Variants in ENOPH1 observed in about 807,000 individuals in gnomAD.
ENOPH1 encodes enolase-phosphatase 1, also known as enolase-phosphatase E1.
In ENOPH1, 14 loss-of-function variants were observed where a neutral mutation model predicts 31.1. The ratio of observed to expected loss-of-function variants is 0.45; its 90% CI spans 0.30 to 0.70. The LOEUF (loss-of-function observed/expected upper bound fraction) is 0.70, where lower values mean the gene tolerates loss of function less well. Among genes scored for constraint, ENOPH1 ranks in the 30% least tolerant of loss-of-function variants. The pLI is 0.09. For missense variants in ENOPH1, 243 were observed against 321.5 expected (o/e 0.76, Z 1.87); for synonymous variants, 127 against 123.2 (o/e 1.03, Z -0.21).
At position 82,430,764 on chromosome 4, in the gene ENOPH1, C is replaced by G. The variant is rs1022236910; in HGVS notation, c.-66C>G. ...CCCAAGACGGTACCGGGGGCCGCAGCCGCAGCCGGCGCCGCCCTCCGCCCT... is the reference window on the plus strand; with the variant it reads ...CCCAAGACGGTACCGGGGGCCGCAGGCGCAGCCGGCGCCGCCCTCCGCCCT... On this transcript the variant is annotated 5_prime_UTR_variant, in exon 1 of 6. Transcript: ENST00000273920. 2 of 1,511,894 alleles carry G rather than the reference C, an allele frequency of 1.3e-6. No homozygotes were observed. Among genetic ancestry groups the G allele is most frequent in the African/African-American group, 1.4e-5 (1 of 72,694 alleles). 93.7% of individuals were successfully genotyped at this position (1,511,894 alleles called of 1,614,324 possible). A position where few individuals can be genotyped will look rare whatever the true frequency, so the allele number is the denominator to read the frequency against.
chr4:82,456,829 T>C (rs1722501885), intron 4 of ENOPH1, 86 bp from the exon 5 acceptor site: 1 of 1,497,542 alleles, frequency 6.7e-7, no homozygotes, highest in East Asian at 2.3e-5. Flanking sequence ...AATGAAGTAA[T>C]TGTGATTGTC....
At chr4:82,451,627 A>C (rs1319759814) in intron 3 of ENOPH1, among the ~76,000 whole-genome samples, 1 of 152,138 alleles carries the variant, frequency 6.6e-6, no homozygotes, top group Non-Finnish European at 1.5e-5. Context: ...GAGACATAGG[A>C]AATTTTGTGC....
intron 1 of ENOPH1, among the ~76,000 whole-genome samples, chr4:82,444,562 C>T (rs533535485): frequency 2.6e-5 from 4 of 152,236 alleles, no homozygotes; most frequent in South Asian, 4.1e-4. Context: ...ACCACGTGAC[C>T]GTAAAGCATA....
rs561595692 is a variant in ENOPH1 at position 82,449,012 on chromosome 4, C to T, written c.186+991C>T. ...GGCGGAGCTTGCAGTGAGCCGAGAT[C>T]CCGCCACTGCACTCCAGCCTGGGCG... is the stretch of plus-strand genomic sequence containing the variant. On this transcript the variant is annotated intron_variant, in intron 2 of 5. Transcript: ENST00000273920. Among the ~76,000 whole-genome samples the T allele has an allele frequency of 1.6e-4, 23 of 140,112 alleles. No homozygotes were observed. In the South Asian group the frequency reaches 4.6e-3, roughly 28 times the overall value. The allele number at this position is 140,112 out of a possible 152,430, so 91.9% of individuals were successfully genotyped here.
intron 2 of ENOPH1, among the ~76,000 whole-genome samples, chr4:82,449,016 CCACTG>C (rs1205663480): frequency 1.6e-4 from 23 of 147,608 alleles, no homozygotes; most frequent in African/African-American, 5.8e-4. Context: ...CGAGATCCCG[CCACTG>C]CACTCCAGCC....
At chr4:82,458,424 T>C (rs1025544365) in intron 5 of ENOPH1, among the ~76,000 whole-genome samples, 1 of 152,038 alleles carries the variant, frequency 6.6e-6, no homozygotes, top group African/African-American at 2.4e-5. Context: ...GCAGGAGAAT[T>C]GCTTGAGCCT....
chr4:82,459,955 C>A, intron 5 of ENOPH1, 26 bp from the exon 6 acceptor site: 1 of 1,611,758 alleles, frequency 6.2e-7, no homozygotes, highest in Non-Finnish European at 8.5e-7. Context: ...GTTTCTGACA[C>A]ACACACATCC....
intron 1 of ENOPH1, among the ~76,000 whole-genome samples, chr4:82,444,243 A>G (rs113313417): frequency 0.058 from 8,380 of 145,700 alleles, 281 homozygotes; most frequent in Non-Finnish European, 0.074. Context: ...TTTTTTTGAG[A>G]CGGAGTCTCA....
intron 1 of ENOPH1, 114 bp from the exon 2 acceptor site, chr4:82,447,806 A>G (rs1466149232): frequency 1.8e-6 from 1 of 545,628 alleles, no homozygotes; most frequent in African/African-American, 2.0e-5. Flanking sequence ...AGCAATTTTC[A>G]TAGAGTTCCA....
At position 82,454,769 on chromosome 4, in the gene ENOPH1, G is replaced by C; in HGVS notation, c.437G>C (p.Gly146Ala). 6.2e-7 allele frequency: 1 copy of C among 1,613,968 alleles called. No homozygotes were observed. The highest frequency in any genetic ancestry group is 2.2e-5 in the East Asian group (1 of 44,876). The change falls in exon 4 of 6, where the codon GGA becomes GCA. Residue 146 changes from glycine to alanine, a missense_variant. Physicochemically the swap from Gly to Ala is moderately conservative, Grantham distance 60. Transcript: ENST00000273920. The stretch of plus-strand genomic sequence containing the variant: ...GCAGTCAGGAAGTGGAGAGAGGCCG[G>C]AATGAAGGTGTACATCTATTCCTCA... ...VPAVRKWREA[G>A]MKVYIYSSGS...
At chr4:82,437,272 C>T (rs1721931849) in intron 1 of ENOPH1, among the ~76,000 whole-genome samples, 1 of 152,130 alleles carries the variant, frequency 6.6e-6, no homozygotes, top group Non-Finnish European at 1.5e-5. Flanking sequence ...CCTTAAGACC[C>T]AGCTGTCACC....
intron 1 of ENOPH1, among the ~76,000 whole-genome samples, chr4:82,445,948 T>A (rs886218590): frequency 5.9e-5 from 9 of 152,234 alleles, no homozygotes; most frequent in Non-Finnish European, 1.3e-4. Flanking sequence ...TTCCTTGAGT[T>A]CTCTGAGAAG....
chr4:82,459,479 G>A (rs1312095894), intron 5 of ENOPH1, among the ~76,000 whole-genome samples: 1 of 152,106 alleles, frequency 6.6e-6, no homozygotes, highest in East Asian at 1.9e-4. Context: ...GTTTTGTAGA[G>A]ATAGAGTTTC....
Position 82,451,174 on chromosome 4 carries a change from G to C in ENOPH1, c.318G>C (p.Lys106Asn), listed in dbSNP as rs763886025. The C allele has an allele frequency of 6.8e-6, 11 of 1,614,228 alleles. No homozygotes were observed. The South Asian group carries it at 1.1e-4, about 16-fold the overall frequency. The stretch of plus-strand genomic sequence containing the variant: ...GCTGGCAGATGTCCCTGGATCGAAA[G>C]ACCACTGCACTCAAACAGCTGCAGG... The part of the protein sequence containing the change: ...NVCWQMSLDR[K>N]TTALKQLQGH... Residue 106 changes from lysine (K) to asparagine (N), a missense_variant, in exon 3 of 6, where the codon AAG becomes AAC. Lys to Asn is a moderately conservative substitution (Grantham distance 94). Transcript: ENST00000273920.
intron 4 of ENOPH1, among the ~76,000 whole-genome samples, chr4:82,456,687 T>C (rs1432948564): frequency 6.6e-6 from 1 of 152,240 alleles, no homozygotes; most frequent in African/African-American, 2.4e-5. Flanking sequence ...AGGTAGATTA[T>C]GAAATGATCT....
chr4:82,456,458 A>G (rs1215909194), intron 4 of ENOPH1, among the ~76,000 whole-genome samples: 1 of 152,230 alleles, frequency 6.6e-6, no homozygotes, highest in Non-Finnish European at 1.5e-5. Context: ...CGTTTTAACT[A>G]GAAAATGAGA....
chr4:82,435,165 G>A (rs1721875410), intron 1 of ENOPH1, among the ~76,000 whole-genome samples: 1 of 152,082 alleles, frequency 6.6e-6, no homozygotes, highest in Admixed American at 6.6e-5. Context: ...ACAGTGGCAC[G>A]ATCACAGCTC....
intron 1 of ENOPH1, among the ~76,000 whole-genome samples, chr4:82,439,219 T>C (rs1721981548): frequency 6.6e-6 from 1 of 152,250 alleles, no homozygotes; most frequent in Non-Finnish European, 1.5e-5. Flanking sequence ...GTTCATTTCT[T>C]AGCTTGATTT....
chr4:82,449,738 A>G (rs1054582871), intron 2 of ENOPH1, among the ~76,000 whole-genome samples: 2 of 152,184 alleles, frequency 1.3e-5, no homozygotes, highest in East Asian at 3.9e-4. Context: ...ATATGACAGT[A>G]CTTCATCATT....
Sources: gnomAD v4.1 joint callset for allele counts (sites outside exome capture counted in the v4.1 genomes callset) on GRCh38, gnomAD v4.1.1 for gene constraint, MANE v1.5 for transcripts, NCBI Gene and HGNC (gene_info 2026-07-23, HGNC 2026-07-21) for gene names.